The following CAST variants were observed in gnomAD, a reference collection of about 807,000 sequenced individuals.
CAST encodes the protein MIR583 host.
A neutral mutation model predicts 119.6 loss-of-function variants in CAST; 76 were observed. The ratio of observed to expected loss-of-function variants is 0.64; its 90% CI spans 0.53 to 0.77. The LOEUF (loss-of-function observed/expected upper bound fraction) is 0.77. Among genes scored for constraint, CAST ranks in the 30% least tolerant of loss-of-function variants. CAST has a pLI of 0.00. For synonymous variants in CAST, 319 were observed against 331.6 expected (o/e 0.96, Z 0.41); for missense variants, 953 against 946.5 (o/e 1.01, Z -0.09).
the CAST span, among the ~76,000 whole-genome samples, chr5:96,126,961 C>T: frequency 6.6e-6 from 1 of 151,976 alleles, no homozygotes; most frequent in Admixed American, 6.6e-5. Flanking sequence ...GTAAATAGGT[C>T]CTCCATGTTT....
chr5:96,399,277 T>C, the CAST span, among the ~76,000 whole-genome samples: 1 of 152,204 alleles, frequency 6.6e-6, no homozygotes, highest in East Asian at 1.9e-4. Flanking sequence ...GGCAGATTTA[T>C]TGTAGACCCA....
chr5:96,553,829 T>C (rs1346507139), intron 1 of CAST, among the ~76,000 whole-genome samples: 2 of 152,092 alleles, frequency 1.3e-5, no homozygotes, highest in Non-Finnish European at 2.9e-5. Flanking sequence ...ATAAAATAGC[T>C]AGGAATCCAA....
intron 1 of CAST, among the ~76,000 whole-genome samples, chr5:96,557,004 G>A (rs1018646305): frequency 1.3e-5 from 2 of 151,876 alleles, no homozygotes; most frequent in African/African-American, 4.8e-5. Context: ...GAATAACAGG[G>A]GATCTCTCGG....
chr5:96,606,523 A>C (rs956687542), intron 1 of CAST, among the ~76,000 whole-genome samples: 2 of 152,202 alleles, frequency 1.3e-5, no homozygotes, highest in Non-Finnish European at 2.9e-5. Flanking sequence ...CTGAGCAGAG[A>C]GGCAGAAAAA....
intron 1 of CAST, among the ~76,000 whole-genome samples, chr5:96,673,179 G>A (rs1468572048): frequency 1.3e-5 from 2 of 152,134 alleles, no homozygotes; most frequent in Non-Finnish European, 2.9e-5. Context: ...GAAAAAATAT[G>A]AATTACAGAT....
intron 3 of CAST, among the ~76,000 whole-genome samples, chr5:96,699,270 G>A (rs1456382242): frequency 1.3e-5 from 2 of 152,188 alleles, no homozygotes; most frequent in African/African-American, 4.8e-5. Flanking sequence ...TTCAGGTGAG[G>A]AAACCGAGGT....
the CAST span, among the ~76,000 whole-genome samples, chr5:96,020,570 A>G: frequency 6.6e-6 from 1 of 152,112 alleles, no homozygotes; most frequent in Non-Finnish European, 1.5e-5. Flanking sequence ...CAGGAGCACA[A>G]ACCCTATTGT....
At chr5:96,552,995 G>T (rs1271676410) in intron 1 of CAST, among the ~76,000 whole-genome samples, 1 of 152,150 alleles carries the variant, frequency 6.6e-6, no homozygotes, top group East Asian at 1.9e-4. Flanking sequence ...AGAGGAGCTG[G>T]TATCATTCCT....
the CAST span, among the ~76,000 whole-genome samples, chr5:96,200,389 T>A: frequency 1.3e-5 from 2 of 152,122 alleles, no homozygotes; most frequent in South Asian, 4.1e-4. Context: ...AAAGGGCTAG[T>A]CAGTTTTCCC....
chr5:96,423,281 T>A, the CAST span: 2 of 1,588,912 alleles, frequency 1.3e-6, no homozygotes, highest in Non-Finnish European at 1.7e-6. Context: ...GACAGCTCCC[T>A]AAGTCACAGT....
At chr5:96,326,807 C>G in the CAST span, among the ~76,000 whole-genome samples, 1 of 143,124 alleles carries the variant, frequency 7.0e-6, no homozygotes, top group Non-Finnish European at 1.5e-5. Context: ...TTCATGATCA[C>G]TTGAGATTTC....
intron 1 of CAST, among the ~76,000 whole-genome samples, chr5:96,585,527 C>T (rs1746844363): frequency 6.6e-6 from 1 of 152,128 alleles, no homozygotes; most frequent in African/African-American, 2.4e-5. Context: ...TAATATTATA[C>T]CATAGCAAAG....
intron 1 of CAST, among the ~76,000 whole-genome samples, chr5:96,596,370 A>G (rs186978280): frequency 4.6e-5 from 7 of 152,306 alleles, no homozygotes; most frequent in African/African-American, 1.7e-4. Flanking sequence ...AAAAGCTGAA[A>G]AAAGCAAGGA....
chr5:96,592,311 GA>G (rs1746975994), intron 1 of CAST, among the ~76,000 whole-genome samples: 1 of 151,974 alleles, frequency 6.6e-6, no homozygotes. Context: ...TGAGGCAGGA[GA>G]ATAGTTTGAG....
the CAST span, among the ~76,000 whole-genome samples, chr5:95,976,475 G>A: frequency 1.3e-5 from 2 of 151,976 alleles, no homozygotes; most frequent in Admixed American, 6.6e-5. Context: ...CTGTGCTTGT[G>A]GTTCATGTAT....
chr5:96,504,446 T>A, the CAST span, among the ~76,000 whole-genome samples: 4 of 152,188 alleles, frequency 2.6e-5, no homozygotes, highest in African/African-American at 9.6e-5. Context: ...TCACTGTGTT[T>A]GAGCAAATAT....
chr5:96,639,309 C>T (rs1336519651), intron 1 of CAST, among the ~76,000 whole-genome samples: 1 of 152,136 alleles, frequency 6.6e-6, no homozygotes, highest in African/African-American at 2.4e-5. Flanking sequence ...CTGTAGGATT[C>T]CAAGATGGAC....
upstream of CAST, among the ~76,000 whole-genome samples, chr5:96,658,782 G>A (rs887671466): frequency 2.0e-5 from 3 of 152,212 alleles, no homozygotes; most frequent in African/African-American, 7.2e-5. Flanking sequence ...CAGGTAACAG[G>A]TTAGGGAACT....
At chr5:96,069,579 C>T in the CAST span, among the ~76,000 whole-genome samples, 13 of 151,164 alleles carry the variant, frequency 8.6e-5, 1 homozygote, top group Admixed American at 7.9e-4. Context: ...CACTCCTGGG[C>T]TCAAGTGGTC....
Sources: gnomAD v4.1 joint callset for allele counts (sites outside exome capture counted in the v4.1 genomes callset) on GRCh38, gnomAD v4.1.1 for gene constraint, MANE v1.5 for transcripts, NCBI Gene and HGNC (gene_info 2026-07-23, HGNC 2026-07-21) for gene names.